Variants in STOML3 observed in about 807,000 individuals in gnomAD.
STOML3 encodes the protein stomatin like 3, also known as stomatin-like protein 3.
A neutral mutation model predicts 29.5 loss-of-function variants in STOML3; 31 were observed. That is an observed-to-expected ratio of 1.05 (90% CI 0.79 to 1.42). The LOEUF is 1.42. STOML3 is among the 40% of genes most tolerant of loss of function. The probability of loss-of-function intolerance (pLI) is 0.00; values close to 1 mark genes in which losing one functional copy is unlikely to be tolerated. For synonymous variants in STOML3, 122 were observed against 139.8 expected (o/e 0.87, Z 0.90); for missense variants, 380 against 363.0 (o/e 1.05, Z -0.38).
At chr13:38,986,980 A>G (rs1868597009) in intron 1 of STOML3, among the ~76,000 whole-genome samples, 2 of 152,142 alleles carry the variant, frequency 1.3e-5, no homozygotes, top group Non-Finnish European at 2.9e-5. Flanking sequence ...CTAGATTCCA[A>G]TTCACTTTAA....
In STOML3 at chr13:38,972,590, C is replaced by T. The variant is rs1880916677; in HGVS notation, c.234G>A (p.Leu78=). The T allele has an allele frequency of 6.2e-7, 1 of 1,613,652 alleles. No homozygotes were observed. The highest frequency in any genetic ancestry group is 8.5e-7 in the Non-Finnish European group (1 of 1,179,862). ...IQADKAKGPG[L]ILVLPCIDVF... is the part of the protein sequence containing the mutation. ...CATCTATGCATGGCAGGACCAGGAT[C>T]AAACCTATGAGAGAAAAAATCAGTT... The change falls in exon 4 of 7, where the codon TTG becomes TTA. Residue 78 remains leucine (L), a synonymous_variant. Transcript: ENST00000379631.
intron 3 of STOML3, among the ~76,000 whole-genome samples, chr13:38,975,708 C>G (rs1045725514): frequency 1.4e-4 from 21 of 152,222 alleles, no homozygotes; most frequent in African/African-American, 4.6e-4. Context: ...TATGGTTCAA[C>G]TAGATATATG....
intron 3 of STOML3, among the ~76,000 whole-genome samples, chr13:38,974,803 T>C (rs1233328539): frequency 6.6e-6 from 1 of 152,128 alleles, no homozygotes; most frequent in Non-Finnish European, 1.5e-5. Context: ...AAAAATGGTA[T>C]ATTTTTCTCT....
intron 3 of STOML3, 86 bp from the exon 4 acceptor site, chr13:38,972,680 T>C (rs563657613): frequency 1.0e-5 from 12 of 1,162,528 alleles, no homozygotes; most frequent in African/African-American, 6.1e-5. Flanking sequence ...ATCATTTACA[T>C]GGGGCGATAC....
chr13:38,985,911 CTTT>C (rs1170409048), intron 1 of STOML3, among the ~76,000 whole-genome samples: 7 of 85,612 alleles, frequency 8.2e-5, no homozygotes, highest in African/African-American at 2.7e-4. Context: ...TCTTTTCTTT[CTTT>C]TTTTTTTTTT....
At chr13:38,979,984 C>T (rs1208063657) in intron 1 of STOML3, 4 of 1,499,424 alleles carry the variant, frequency 2.7e-6, no homozygotes, top group Non-Finnish European at 3.6e-6. Flanking sequence ...CTGGACATTT[C>T]CAAAGTAGAC....
In STOML3 at chr13:38,970,239, T is replaced by C. The variant is rs1324951740; in HGVS notation, c.462A>G (p.Thr154=). The C allele has an allele frequency of 1.9e-6, 3 of 1,614,048 alleles. No individual in the cohort carries two copies. The highest frequency in any genetic ancestry group is 2.5e-6 in the Non-Finnish European group (3 of 1,180,000). Residue 154 remains threonine, a synonymous_variant, in exon 5 of 7, where the codon ACA becomes ACG. Transcript: ENST00000379631. The stretch of plus-strand genomic sequence containing the variant: ...CAGCTAAGATCTGGGACAAGGTCTG[T>C]GTCCCTAAGACATTTCTCAGAGTGG... ...AQTTLRNVLG[T]QTLSQILAGR...
chr13:38,980,176 G>C, intron 1 of STOML3: 1 of 1,525,990 alleles, frequency 6.6e-7, no homozygotes, highest in Non-Finnish European at 8.9e-7. Flanking sequence ...ATTCTTCCAA[G>C]ATTTACACTG....
intron 5 of STOML3, among the ~76,000 whole-genome samples, chr13:38,969,403 C>G (rs1161924975): frequency 6.6e-6 from 1 of 152,116 alleles, no homozygotes; most frequent in Non-Finnish European, 1.5e-5. Flanking sequence ...AAGTCAGTGA[C>G]CTGGCTGTGG....
At chr13:38,986,700 C>G (rs1044834600) in intron 1 of STOML3, among the ~76,000 whole-genome samples, 1 of 152,152 alleles carries the variant, frequency 6.6e-6, no homozygotes, top group African/African-American at 2.4e-5. Flanking sequence ...TCCTTTTTCT[C>G]TATGCACACA....
chr13:38,988,505 T>G (rs1566211976), intron 1 of STOML3, among the ~76,000 whole-genome samples: 5 of 107,672 alleles, frequency 4.6e-5, no homozygotes, highest in Non-Finnish European at 7.1e-5. Flanking sequence ...TTATATATAA[T>G]ATATTTTATA....
intron 1 of STOML3, among the ~76,000 whole-genome samples, chr13:38,982,429 A>G (rs1881301073): frequency 6.6e-6 from 1 of 152,108 alleles, no homozygotes; most frequent in South Asian, 2.1e-4. Flanking sequence ...TGCCAGTTTC[A>G]CAACCCAGGA....
At chr13:38,987,165 TC>T (rs1221976002) in intron 1 of STOML3, among the ~76,000 whole-genome samples, 1 of 152,086 alleles carries the variant, frequency 6.6e-6, no homozygotes, top group African/African-American at 2.4e-5. Flanking sequence ...TTCAGGTGAT[TC>T]TAATCTACCC....
chr13:38,967,197 A>T, intron 6 of STOML3, 148 bp from the exon 7 acceptor site: 1 of 698,122 alleles, frequency 1.4e-6, no homozygotes, highest in Non-Finnish European at 2.3e-6. Context: ...GATAAGTTTC[A>T]CTTCCTAACA....
intron 1 of STOML3, among the ~76,000 whole-genome samples, chr13:38,983,747 C>T (rs969862879): frequency 6.6e-6 from 1 of 152,118 alleles, no homozygotes; most frequent in African/African-American, 2.4e-5. Context: ...TCCAAACAGG[C>T]AGATTTACAT....
intron 1 of STOML3, among the ~76,000 whole-genome samples, 188 bp downstream of exon 1, chr13:38,990,482 T>C (rs567516251): frequency 7.9e-5 from 12 of 152,250 alleles, no homozygotes; most frequent in African/African-American, 2.9e-4. Flanking sequence ...AAGCAAGTTA[T>C]AGACTGCCGT....
At chr13:38,970,463 G>C (rs1359511445) in intron 4 of STOML3, 75 bp from the exon 5 acceptor site, 1 of 1,271,820 alleles carries the variant, frequency 7.9e-7, no homozygotes, top group African/African-American at 1.5e-5. Flanking sequence ...GCCAGCCCAA[G>C]AGCCATCCTC....
At chr13:38,988,946 ATATAC>A (rs1334269071) in intron 1 of STOML3, among the ~76,000 whole-genome samples, 4 of 144,948 alleles carry the variant, frequency 2.8e-5, no homozygotes, top group Non-Finnish European at 4.5e-5. Context: ...AATATATTAT[ATATAC>A]TATATTACAC....
chr13:38,978,651 T>TG (rs1284933169), intron 1 of STOML3, among the ~76,000 whole-genome samples: 1 of 152,184 alleles, frequency 6.6e-6, no homozygotes, highest in Non-Finnish European at 1.5e-5. Flanking sequence ...TCCACCCCTT[T>TG]GCCCAGGTTA....
Sources: allele counts gnomAD v4.1 joint callset (sites outside exome capture counted in the v4.1 genomes callset), GRCh38; gene constraint gnomAD v4.1.1; transcripts MANE v1.5; gene names NCBI Gene and HGNC (gene_info 2026-07-23, HGNC 2026-07-21).